The following BCAS3 variants were observed in gnomAD, a reference collection of about 807,000 sequenced individuals.
BCAS3 encodes the protein BCAS3 microtubule associated cell migration factor.
BCAS3 carries 53 observed loss-of-function variants against 116.1 expected under a neutral mutation model. The ratio of observed to expected loss-of-function variants is 0.46; its 90% confidence interval spans 0.37 to 0.57. The LOEUF is 0.57. Ranked by LOEUF, BCAS3 falls within the 20% of genes least tolerant of loss-of-function variation. The probability of loss-of-function intolerance (pLI) is 0.00; values close to 1 mark genes in which losing one functional copy is unlikely to be tolerated. For missense variants in BCAS3, 917 were observed against 1,165.4 expected (o/e 0.79, Z 3.10); for synonymous variants, 391 against 408.2 (o/e 0.96, Z 0.51).
chr17:60,873,039 C>G (rs145224470), intron 8 of BCAS3, among the ~76,000 whole-genome samples: 54 of 152,104 alleles, frequency 3.6e-4, no homozygotes, highest in Middle Eastern at 6.8e-3. Flanking sequence ...GTTGATATAA[C>G]ATGTAGGCAA....
chr17:60,721,345 A>G (rs2039217104), intron 5 of BCAS3, among the ~76,000 whole-genome samples: 1 of 152,186 alleles, frequency 6.6e-6, no homozygotes, highest in African/African-American at 2.4e-5. Context: ...ATACAGTGGG[A>G]GGACATTGGT....
chr17:61,022,431 A>T (rs2065942487), intron 16 of BCAS3, among the ~76,000 whole-genome samples: 1 of 152,012 alleles, frequency 6.6e-6, no homozygotes, highest in South Asian at 2.1e-4. Flanking sequence ...TTTTTAGTAG[A>T]GATGGGGTTT....
Position 61,041,121 on chromosome 17 carries a change from G to A in BCAS3, c.2029+229G>A, listed in dbSNP as rs2067472275. On this transcript the variant is annotated intron_variant, in intron 19 of 23. Coordinates refer to ENST00000407086, the MANE Select transcript of BCAS3 (RefSeq NM_017679.5). This position sits in a 1 kb window ranked among gnomAD's most constrained non-coding sequence, Gnocchi z 4.7. ...TATGAAATATATTTCTGTAATAAAA[G>A]TTAAGTTGATAGGGAATATCTGGAG... is the stretch of plus-strand genomic sequence containing the variant. Among the ~76,000 whole-genome samples, 1 of 151,900 alleles carries A rather than the reference G, an allele frequency of 6.6e-6. No homozygotes were observed. Among genetic ancestry groups the A allele is most frequent in the African/African-American group, 2.4e-5 (1 of 41,340 alleles).
At chr17:61,271,299 T>C (rs544244977) in intron 22 of BCAS3, among the ~76,000 whole-genome samples, 17 of 142,498 alleles carry the variant, frequency 1.2e-4, no homozygotes, top group African/African-American at 4.4e-4. Context: ...GACTAGTTTT[T>C]TGTATTTTTA....
chr17:60,823,247 T>G (rs1251890313), intron 7 of BCAS3, among the ~76,000 whole-genome samples: 2 of 152,200 alleles, frequency 1.3e-5, no homozygotes, highest in African/African-American at 4.8e-5. Flanking sequence ...TGGAGCACCC[T>G]TGATTTTAGT....
chr17:60,803,975 G>T (rs1316762888), intron 6 of BCAS3, among the ~76,000 whole-genome samples: 1 of 149,764 alleles, frequency 6.7e-6, no homozygotes, highest in Admixed American at 6.7e-5. Context: ...CTAATTTTTT[G>T]TATTTTTAGT....
At chr17:60,747,365 T>C (rs929904996) in intron 6 of BCAS3, 86 bp downstream of exon 6, 1 of 1,113,894 alleles carries the variant, frequency 9.0e-7, no homozygotes, top group South Asian at 1.4e-5. Flanking sequence ...GAATGATAAC[T>C]AAAGTCTGTT....
chr17:60,876,142 C>T (rs887815658), intron 9 of BCAS3, among the ~76,000 whole-genome samples: 2 of 152,048 alleles, frequency 1.3e-5, no homozygotes, highest in South Asian at 2.1e-4. Flanking sequence ...AAGTCCTGAG[C>T]GAACACAGAT....
At chr17:60,736,586 G>T (rs543627285) in intron 5 of BCAS3, among the ~76,000 whole-genome samples, 1 of 152,126 alleles carries the variant, frequency 6.6e-6, no homozygotes, top group Admixed American at 6.5e-5. Context: ...GAATGATAAA[G>T]AATTGGTATT....
Position 61,322,856 on chromosome 17 carries a change from C to CAGAGAGAGAGAGAG in BCAS3, c.2426-45460_2426-45447dup, listed in dbSNP as rs149772722. ...AGAGAGAGAGAGAGAGAGAGAGAGA[C>CAGAGAGAGAGAGAG]AGAGAGAGAGAGAGAGAGAGAGAGG... On this transcript the variant is annotated intron_variant, in intron 22 of 23. Coordinates refer to ENST00000407086, the MANE Select transcript of BCAS3 (RefSeq NM_017679.5). Among the ~76,000 whole-genome samples the CAGAGAGAGAGAGAG allele has an allele frequency of 2.4e-3, 144 of 60,494 alleles. 1 individual carries two copies. Among genetic ancestry groups the CAGAGAGAGAGAGAG allele is most frequent in the Non-Finnish European group, 3.6e-3 (105 of 29,088 alleles). 39.7% of individuals were successfully genotyped at this position (60,494 alleles called of 152,430 possible).
rs1335410236 is a variant in BCAS3 at position 61,228,081 on chromosome 17, A to G, written c.2426-140246A>G. Among the ~76,000 whole-genome samples, 8 of 152,140 alleles carry G rather than the reference A, an allele frequency of 5.3e-5. No individual in the cohort carries two copies. In the East Asian group the frequency reaches 1.3e-3, roughly 26 times the overall value. On this transcript the variant is annotated intron_variant, in intron 22 of 23. Coordinates refer to ENST00000407086, the MANE Select transcript of BCAS3 (RefSeq NM_017679.5). This position sits in a 1 kb window ranked among gnomAD's most constrained non-coding sequence, Gnocchi z 5.0. ...CCCCTTCCTTTACACACATTCCTGC[A>G]TACTCCTGCTTCACCCTCAAGGCCC...
At position 61,077,048 on chromosome 17, in the gene BCAS3, A is replaced by G. The variant is rs2072065302; in HGVS notation, c.2131-1285A>G. Among the ~76,000 whole-genome samples, 2 of 152,154 alleles carry G rather than the reference A, an allele frequency of 1.3e-5. No homozygotes were observed. Among genetic ancestry groups the G allele is most frequent in the Admixed American group, 6.5e-5 (1 of 15,284 alleles). ...ATAAGGCATGTGGGAAGTCAATTAC[A>G]TAAAGTATTTGCACAGGCATGAATG... On this transcript the variant is annotated intron_variant, in intron 20 of 23. Transcript: ENST00000407086. This position sits in a 1 kb window ranked among gnomAD's most constrained non-coding sequence, Gnocchi z 4.3.
chr17:61,283,360 G>A (rs2051411540), intron 22 of BCAS3, among the ~76,000 whole-genome samples: 1 of 151,948 alleles, frequency 6.6e-6, no homozygotes. Context: ...ATTATATTTA[G>A]TTAACTCTCC....
chr17:61,368,231 A>G lies in BCAS3; in HGVS notation c.2426-96A>G. The G allele has an allele frequency of 7.4e-7, 1 of 1,350,286 alleles. No individual in the cohort carries two copies. The highest frequency in any genetic ancestry group is 2.3e-5 in the East Asian group (1 of 43,040). The allele number at this position is 1,350,286 out of a possible 1,614,324, so 83.6% of individuals were successfully genotyped here. On this transcript the variant is annotated intron_variant, in intron 22 of 23. Coordinates refer to ENST00000407086, the MANE Select transcript of BCAS3 (RefSeq NM_017679.5). The surrounding 1 kb of genome is among the most constrained non-coding windows in gnomAD (Gnocchi z 6.0). ...CCATCCTACAGGAAGGCTACAATGG[A>G]CCCTGGGTATGGAGAGGAGCGGGTG...
chr17:60,921,633 A>T (rs975822588), intron 12 of BCAS3, among the ~76,000 whole-genome samples: 3 of 151,298 alleles, frequency 2.0e-5, no homozygotes, highest in Non-Finnish European at 4.4e-5. Flanking sequence ...AAAAAAAAAA[A>T]AAACATTGAC....
Position 61,316,363 on chromosome 17 carries a change from GGGAGA to G in BCAS3, c.2426-51963_2426-51959del, listed in dbSNP as rs1365801946. 3.3e-5 allele frequency among the ~76,000 whole-genome samples: 5 copies of G among 152,244 alleles called. No individual in the cohort carries two copies. Among genetic ancestry groups the G allele is most frequent in the African/African-American group, 1.2e-4 (5 of 41,528 alleles). ...TACTTAGTAAATGTGTGCTGAATGT[GGGAGA>G]CGTCTTTTTTAAGGAAAGCCTAAGA... On this transcript the variant is annotated intron_variant, in intron 22 of 23. Transcript: ENST00000407086. The surrounding 1 kb of genome is among the most constrained non-coding windows in gnomAD (Gnocchi z 5.8).
chr17:60,806,054 T>C (rs12103700), intron 6 of BCAS3, among the ~76,000 whole-genome samples: 23,099 of 151,194 alleles, frequency 0.15, 2,389 homozygotes, highest in African/African-American at 0.3. Context: ...TTTTTTTTTT[T>C]AAACTAGAGA....
At chr17:60,689,615 C>T (rs912347312) in intron 3 of BCAS3, 71 bp from the exon 4 acceptor site, 39 of 1,172,218 alleles carry the variant, frequency 3.3e-5, no homozygotes, top group Middle Eastern at 2.2e-4. Flanking sequence ...CTTTAAGTCA[C>T]TTTGTTTTGA....
chr17:61,312,783 T>C lies in BCAS3; in HGVS notation c.2426-55544T>C, dbSNP rs143941101. Among the ~76,000 whole-genome samples, 10 of 152,332 alleles carry C rather than the reference T, an allele frequency of 6.6e-5. No individual in the cohort carries two copies. The East Asian group carries it at 1.9e-3, about 29-fold the overall frequency. On this transcript the variant is annotated intron_variant, in intron 22 of 23. Transcript: ENST00000407086. ...ACCATCGGGGACATCAGTGGCTCTG[T>C]ATCTGATTGTCAGAGCGTGAGCTTC...
Sources: allele counts gnomAD v4.1 joint callset (sites outside exome capture counted in the v4.1 genomes callset), GRCh38; gene constraint gnomAD v4.1.1; non-coding constraint Gnocchi (gnomAD v3.1); transcripts MANE v1.5; gene names NCBI Gene and HGNC (gene_info 2026-07-23, HGNC 2026-07-21).